The following LMTK2 variants were observed in gnomAD, a reference collection of about 807,000 sequenced individuals.
LMTK2 encodes serine/threonine-protein kinase LMTK2.
Under a neutral mutation model 127.5 loss-of-function variants are expected in LMTK2, and 37 were observed. The ratio of observed to expected loss-of-function variants is 0.29; its 90% confidence interval spans 0.22 to 0.38. LMTK2 has a LOEUF of 0.38. LMTK2 is among the 10% of genes least tolerant of loss of function. The pLI is 1.00. For missense variants in LMTK2, 1,694 were observed against 1,920.3 expected (o/e 0.88, Z 2.20); for synonymous variants, 819 against 810.1 (o/e 1.01, Z -0.19).
chr7:98,205,568 C>A lies in LMTK2; in HGVS notation c.*76C>A. On this transcript the variant is annotated 3_prime_UTR_variant, in exon 14 of 14. Transcript: ENST00000297293. The stretch of plus-strand genomic sequence containing the variant: ...GCCCCTGCGCCCTCAGCCCGAGCAG[C>A]GACATCCACTCGCCATTTGCTGACA... The A allele has an allele frequency of 6.8e-7, 1 of 1,462,432 alleles. No individual in the cohort carries two copies. The highest frequency in any genetic ancestry group is 9.5e-7 in the Non-Finnish European group (1 of 1,056,410). 90.6% of individuals were successfully genotyped at this position (1,462,432 alleles called of 1,614,324 possible).
At chr7:98,148,362 G>A (rs1004306895) in intron 3 of LMTK2, among the ~76,000 whole-genome samples, 2 of 150,076 alleles carry the variant, frequency 1.3e-5, no homozygotes, top group Non-Finnish European at 3.0e-5. Context: ...GCATGGTGGC[G>A]CTTGCCTGTA....
chr7:98,205,347 T>C, intron 13 of LMTK2, 117 bp from the exon 14 acceptor site: 1 of 1,261,738 alleles, frequency 7.9e-7, no homozygotes, highest in Non-Finnish European at 1.1e-6. Flanking sequence ...CAGGCGGTGC[T>C]GGGCTCAAAA....
chr7:98,110,623 T>G (rs755409307), intron 1 of LMTK2, among the ~76,000 whole-genome samples: 4 of 152,350 alleles, frequency 2.6e-5, no homozygotes, highest in Non-Finnish European at 5.9e-5. Flanking sequence ...TTTTCTAAGA[T>G]TCTCAGGATT....
chr7:98,201,289 A>G (rs1411347307), intron 11 of LMTK2, among the ~76,000 whole-genome samples: 2 of 152,098 alleles, frequency 1.3e-5, no homozygotes, highest in African/African-American at 4.8e-5. Context: ...AGCGTCCCTT[A>G]TCTGAAATGC....
chr7:98,193,645 C>A lies in LMTK2; in HGVS notation c.3180C>A (p.Gly1060=). ...CAGACTCAGAACCAGCCACCACGGG[C>A]GATGGCGGCCACAGCGGTCTGCCTC... is the stretch of plus-strand genomic sequence containing the variant. ...GTADSEPATT[G]DGGHSGLPPN... is the part of the protein sequence containing the mutation. The change falls in exon 11 of 14, where the codon GGC becomes GGA. Residue 1060 remains glycine, a synonymous_variant. Transcript: ENST00000297293. The surrounding 1 kb of genome is among the most constrained non-coding windows in gnomAD (Gnocchi z 4.1). The A allele has an allele frequency of 6.2e-7, 1 of 1,613,926 alleles. No homozygotes were observed. Among genetic ancestry groups the A allele is most frequent in the African/African-American group, 1.3e-5 (1 of 75,026 alleles).
At chr7:98,108,116 A>C (rs1428936760) in intron 1 of LMTK2, among the ~76,000 whole-genome samples, 1 of 152,216 alleles carries the variant, frequency 6.6e-6, no homozygotes, top group Non-Finnish European at 1.5e-5. Context: ...TTGAAATTTC[A>C]TACATTCATA....
At chr7:98,137,246 T>C (rs572280106) in intron 1 of LMTK2, 69 bp from the exon 2 acceptor site, 20 of 1,451,258 alleles carry the variant, frequency 1.4e-5, no homozygotes, top group African/African-American at 2.8e-5. Context: ...GAGGAAAATA[T>C]ATTGATTCAC....
Position 98,107,291 on chromosome 7 carries a change from C to T in LMTK2, c.103+11C>T. 2 of 1,343,172 alleles carry T rather than the reference C, an allele frequency of 1.5e-6. No individual in the cohort carries two copies. Among genetic ancestry groups the T allele is most frequent in the African/African-American group, 3.1e-5 (2 of 65,336 alleles). The allele number at this position is 1,343,172 out of a possible 1,614,324, so 83.2% of individuals were successfully genotyped here. A position where few individuals can be genotyped will look rare whatever the true frequency, so the allele number is the denominator to read the frequency against. The stretch of plus-strand genomic sequence containing the variant: ...CGCAAACAGGTGCAGGTGAGCGGGC[C>T]CGCGGCGGGGACGGGGCTGCGGGGT... On this transcript the variant is annotated intron_variant, in intron 1 of 13. Coordinates refer to ENST00000297293, the MANE Select transcript of LMTK2 (RefSeq NM_014916.4).
intron 1 of LMTK2, among the ~76,000 whole-genome samples, chr7:98,116,450 G>T (rs574928121): frequency 6.6e-5 from 10 of 151,380 alleles, no homozygotes; most frequent in African/African-American, 2.4e-4. Flanking sequence ...TTGTGTCCGC[G>T]TGTGTGTGTG....
intron 6 of LMTK2, among the ~76,000 whole-genome samples, chr7:98,170,616 G>A (rs1309129357): frequency 2.0e-5 from 3 of 150,358 alleles, no homozygotes; most frequent in African/African-American, 7.4e-5. Context: ...GAAAGCTATT[G>A]GCTTGCTTTC....
intron 1 of LMTK2, among the ~76,000 whole-genome samples, chr7:98,136,105 G>A (rs1272843365): frequency 6.6e-6 from 1 of 152,126 alleles, no homozygotes; most frequent in African/African-American, 2.4e-5. Flanking sequence ...AAAAAGGGAA[G>A]GATGGGGCAT....
rs138083474 is a variant in LMTK2, at chr7:98,111,899, G to A, written c.103+4619G>A. ...CTGGTATTGTTACTACTTGAAATTC[G>A]TAGTGTTGGAGAACTATGCTGGAAA... On this transcript the variant is annotated intron_variant, in intron 1 of 13. Transcript: ENST00000297293. Among the ~76,000 whole-genome samples the A allele has an allele frequency of 1.7e-3, 261 of 152,318 alleles. 1 individual carries two copies. Among genetic ancestry groups the A allele is most frequent in the Non-Finnish European group, 2.8e-3 (191 of 68,020 alleles).
Position 98,193,895 on chromosome 7 carries a change from C to G in LMTK2, c.3430C>G (p.Gln1144Glu). Reference sequence around the variant, plus strand: ...CCTACCCGAGCCAGTCCTCCCCGAGCAAAGTCCTGCTGCCCAGGATAGCTG... The same window carrying G: ...CCTACCCGAGCCAGTCCTCCCCGAGGAAAGTCCTGCTGCCCAGGATAGCTG... Reference protein sequence around the residue: ...QPLPEPVLPEQSPAAQDSCLE... With the variant: ...QPLPEPVLPEESPAAQDSCLE... The change falls in exon 11 of 14, where the codon CAA (glutamine) becomes GAA (glutamate). Residue 1144 changes from glutamine to glutamate, a missense_variant. Around this residue, in one of 8 missense-constraint regions of LMTK2, gnomAD observed 554 missense variants for 567.7 expected, o/e 0.98. Transcript: ENST00000297293. The surrounding 1 kb of genome is among the most constrained non-coding windows in gnomAD (Gnocchi z 4.1). 1 of 1,614,134 alleles carries G rather than the reference C, an allele frequency of 6.2e-7. No homozygotes were observed. The highest frequency in any genetic ancestry group is 8.5e-7 in the Non-Finnish European group (1 of 1,180,028).
intron 7 of LMTK2, among the ~76,000 whole-genome samples, chr7:98,179,097 T>G (rs1325243335): frequency 6.6e-6 from 1 of 152,256 alleles, no homozygotes; most frequent in Non-Finnish European, 1.5e-5. Flanking sequence ...CCTTTTCCCC[T>G]GGGAACACCA....
rs1053312795 is a variant in LMTK2 at position 98,115,196 on chromosome 7, C to T, written c.103+7916C>T. The stretch of plus-strand genomic sequence containing the variant: ...GTGGGAGGTCGAGGTGGGTGGATCA[C>T]GTGAGGTCAGGAGTTCAAGACCAGC... On this transcript the variant is annotated intron_variant, in intron 1 of 13. Transcript: ENST00000297293. Among the ~76,000 whole-genome samples, 51 of 152,062 alleles carry T rather than the reference C, an allele frequency of 3.4e-4. 1 individual carries two copies. Among genetic ancestry groups the T allele is most frequent in the African/African-American group, 1.1e-3 (46 of 41,476 alleles).
At chr7:98,155,606 GA>G (rs1315171081) in intron 5 of LMTK2, among the ~76,000 whole-genome samples, 1 of 151,136 alleles carries the variant, frequency 6.6e-6, no homozygotes, top group East Asian at 1.9e-4. Flanking sequence ...TTTCTCATCA[GA>G]AACCTGGAGG....
intron 9 of LMTK2, among the ~76,000 whole-genome samples, chr7:98,190,099 A>C (rs1797499612): frequency 6.6e-6 from 1 of 151,938 alleles, no homozygotes; most frequent in East Asian, 1.9e-4. Context: ...CCAATAATTT[A>C]TTGAGTACTT....
At chr7:98,180,448 A>G (rs936981865) in intron 7 of LMTK2, among the ~76,000 whole-genome samples, 4 of 152,242 alleles carry the variant, frequency 2.6e-5, no homozygotes, top group Admixed American at 2.0e-4. Context: ...TCTAAGGGTT[A>G]AAGCCAAAAG....
At chr7:98,200,601 C>A (rs192907354) in intron 11 of LMTK2, among the ~76,000 whole-genome samples, 1 of 152,134 alleles carries the variant, frequency 6.6e-6, no homozygotes, top group Non-Finnish European at 1.5e-5. Flanking sequence ...CTGTTCAGAT[C>A]GTTTCTGGAG....
Sources: gnomAD v4.1 joint callset for allele counts (sites outside exome capture counted in the v4.1 genomes callset) on GRCh38, gnomAD v4.1.1 for gene constraint, gnomAD v4.1.1 regional missense constraint, Gnocchi (gnomAD v3.1) non-coding constraint, MANE v1.5 for transcripts, NCBI Gene and HGNC (gene_info 2026-07-23, HGNC 2026-07-21) for gene names.